The following SNTG1 variants were observed in gnomAD, a reference collection of about 807,000 sequenced individuals.
The protein encoded by SNTG1 is syntrophin gamma 1, also known as gamma-1-syntrophin.
In SNTG1, 39 loss-of-function variants were observed where a neutral mutation model predicts 74.7. That is an observed-to-expected ratio of 0.52 (90% CI 0.40 to 0.68). The LOEUF is 0.68. Ranked by LOEUF, SNTG1 falls within the 30% of genes least tolerant of loss-of-function variation. The pLI is 0.00. For missense variants in SNTG1, 685 were observed against 609.5 expected (o/e 1.12, Z -1.30); for synonymous variants, 254 against 217.1 (o/e 1.17, Z -1.49).
intron 18 of SNTG1, among the ~76,000 whole-genome samples, chr8:50,776,839 C>T (rs2095642240): frequency 6.6e-6 from 1 of 151,788 alleles, no homozygotes; most frequent in African/African-American, 2.4e-5. Flanking sequence ...ATTTCTGAAG[C>T]ACTATTTTGC....
intron 2 of SNTG1, among the ~76,000 whole-genome samples, chr8:50,281,733 T>C (rs1563839598): frequency 6.6e-6 from 1 of 152,200 alleles, no homozygotes; most frequent in Non-Finnish European, 1.5e-5. Flanking sequence ...CCTCCATTTT[T>C]ACCAAAAATA....
At chr8:50,456,547 A>C (rs1360820789) in intron 8 of SNTG1, among the ~76,000 whole-genome samples, 1 of 152,156 alleles carries the variant, frequency 6.6e-6, no homozygotes, top group African/African-American at 2.4e-5. Flanking sequence ...CATGGCAGAA[A>C]AAATTTGAAG....
intron 1 of SNTG1, among the ~76,000 whole-genome samples, chr8:50,136,124 T>C (rs2081467664): frequency 6.6e-6 from 1 of 152,212 alleles, no homozygotes; most frequent in Non-Finnish European, 1.5e-5. Context: ...ATGGTCTATA[T>C]GTACCACATT....
intron 1 of SNTG1, among the ~76,000 whole-genome samples, chr8:50,135,082 C>G (rs2081429664): frequency 6.6e-6 from 1 of 152,138 alleles, no homozygotes. Flanking sequence ...GACTCAGATT[C>G]CCTTTTCTGC....
chr8:50,151,758 C>A (rs1048828715), intron 1 of SNTG1, among the ~76,000 whole-genome samples: 1 of 152,154 alleles, frequency 6.6e-6, no homozygotes, highest in Non-Finnish European at 1.5e-5. Flanking sequence ...AGTTTGATTG[C>A]ACTGTGGTCT....
intron 13 of SNTG1, among the ~76,000 whole-genome samples, chr8:50,648,607 C>G (rs1009629733): frequency 6.6e-6 from 1 of 152,088 alleles, no homozygotes; most frequent in Admixed American, 6.6e-5. Flanking sequence ...ACTTACAAAA[C>G]TCTACATTAT....
chr8:49,955,107 G>A lies in SNTG1; in HGVS notation c.-103+42876G>A, dbSNP rs528029658. On this transcript the variant is annotated intron_variant, in intron 1 of 18. Coordinates refer to ENST00000642720, the MANE Select transcript of SNTG1 (RefSeq NM_018967.5). ...GGTTCATAATTTATACATGTTATAA[G>A]TGAGAACACTCTTAGTCAGAATATT... is the stretch of plus-strand genomic sequence containing the variant. Among the ~76,000 whole-genome samples, 4 of 152,272 alleles carry A rather than the reference G, an allele frequency of 2.6e-5. No homozygotes were observed. In the South Asian group the frequency reaches 6.2e-4, roughly 24 times the overall value.
At chr8:50,253,263 A>C (rs1042531339) in intron 2 of SNTG1, among the ~76,000 whole-genome samples, 1 of 152,106 alleles carries the variant, frequency 6.6e-6, no homozygotes, top group African/African-American at 2.4e-5. Context: ...GTGTCTACTA[A>C]CAATACAAAA....
intron 12 of SNTG1, among the ~76,000 whole-genome samples, chr8:50,565,649 G>A (rs537942517): frequency 2.6e-5 from 4 of 152,086 alleles, no homozygotes; most frequent in African/African-American, 9.6e-5. Context: ...TTAGGGAGCA[G>A]GACTGTAATA....
chr8:50,411,200 G>C (rs1387998525), intron 4 of SNTG1, among the ~76,000 whole-genome samples: 2 of 152,104 alleles, frequency 1.3e-5, no homozygotes, highest in Non-Finnish European at 2.9e-5. Context: ...TGTAATCCCA[G>C]CACTTTGGGA....
Position 50,202,073 on chromosome 8 carries a change from A to G in SNTG1, c.-28+29438A>G, listed in dbSNP as rs187170638. 2.0e-5 allele frequency among the ~76,000 whole-genome samples: 3 copies of G among 152,232 alleles called. No homozygotes were observed. In the East Asian group the frequency reaches 5.8e-4, roughly 29 times the overall value. ...AGCCTTATAGACAATCCTTCTTTCC[A>G]GAGTTACTTAGGTCAGCACCTTTTC... On this transcript the variant is annotated intron_variant, in intron 2 of 18. Transcript: ENST00000642720.
intron 9 of SNTG1, among the ~76,000 whole-genome samples, chr8:50,523,467 A>C (rs565071669): frequency 6.6e-6 from 1 of 152,232 alleles, no homozygotes; most frequent in East Asian, 1.9e-4. Flanking sequence ...TTTTATTTGA[A>C]CACTTAGAGG....
intron 1 of SNTG1, among the ~76,000 whole-genome samples, chr8:50,161,570 G>T (rs2082416154): frequency 6.6e-6 from 1 of 152,136 alleles, no homozygotes; most frequent in Admixed American, 6.5e-5. Flanking sequence ...ACCTGATAGT[G>T]TGTGGTGCAT....
intron 1 of SNTG1, among the ~76,000 whole-genome samples, chr8:50,112,896 T>C (rs2080657444): frequency 6.6e-6 from 1 of 152,148 alleles, no homozygotes; most frequent in African/African-American, 2.4e-5. Flanking sequence ...AAAAATCAGA[T>C]AGTTGTAAAT....
intron 18 of SNTG1, among the ~76,000 whole-genome samples, chr8:50,758,895 A>C (rs2095588984): frequency 1.3e-5 from 2 of 152,196 alleles, no homozygotes; most frequent in South Asian, 2.1e-4. Flanking sequence ...AGGAATCGCC[A>C]CTCTGTCTTC....
At chr8:50,013,331 A>G (rs1336703559) in intron 1 of SNTG1, among the ~76,000 whole-genome samples, 3 of 152,024 alleles carry the variant, frequency 2.0e-5, no homozygotes, top group Admixed American at 1.3e-4. Flanking sequence ...ATAGACTTTT[A>G]TTTGCATTTG....
chr8:50,462,288 GATT>G, intron 8 of SNTG1, among the ~76,000 whole-genome samples: 1 of 150,144 alleles, frequency 6.7e-6, no homozygotes. Flanking sequence ...CATGCAATAG[GATT>G]ATTTCTTAAA....
At chr8:49,915,841 G>A (rs898506084) in intron 1 of SNTG1, among the ~76,000 whole-genome samples, 2 of 152,186 alleles carry the variant, frequency 1.3e-5, no homozygotes, top group Middle Eastern at 3.2e-3. Context: ...TGGAAATGCT[G>A]TTAAGATGTT....
intron 3 of SNTG1, among the ~76,000 whole-genome samples, chr8:50,396,095 A>C (rs988093486): frequency 1.9e-4 from 29 of 152,230 alleles, no homozygotes; most frequent in Admixed American, 6.5e-5. Flanking sequence ...TATTTCTCAA[A>C]TTCTATTAAG....
Sources: allele counts gnomAD v4.1 joint callset (sites outside exome capture counted in the v4.1 genomes callset), GRCh38; gene constraint gnomAD v4.1.1; transcripts MANE v1.5; gene names NCBI Gene and HGNC (gene_info 2026-07-23, HGNC 2026-07-21).